PLGRKT: variants seen among roughly 807,000 people sequenced by gnomAD.
PLGRKT encodes plasminogen receptor (KT).
In PLGRKT, 22 loss-of-function variants were observed where a neutral mutation model predicts 18.5. The ratio of observed to expected loss-of-function variants is 1.19; its 90% CI spans 0.85 to 1.70. The LOEUF is 1.70. Ranked by LOEUF, PLGRKT falls within the 40% of genes most tolerant of loss-of-function variation. The pLI is 0.00. For missense variants in PLGRKT, 235 were observed against 174.4 expected (o/e 1.35, Z -1.96); for synonymous variants, 72 against 52.8 (o/e 1.36, Z -1.58).
At chr9:5,417,179 G>A (rs190832418) in intron 3 of PLGRKT, among the ~76,000 whole-genome samples, 35 of 152,318 alleles carry the variant, frequency 2.3e-4, no homozygotes, top group African/African-American at 8.2e-4. Flanking sequence ...ACTTTTCAAA[G>A]GGGCTGTGTG....
At chr9:5,412,875 C>T (rs1818391489) in intron 3 of PLGRKT, among the ~76,000 whole-genome samples, 1 of 151,808 alleles carries the variant, frequency 6.6e-6, no homozygotes, top group Non-Finnish European at 1.5e-5. Flanking sequence ...AGACAAGAGG[C>T]CAATACTCCT....
chr9:5,433,129 A>G (rs1163834321), intron 2 of PLGRKT, among the ~76,000 whole-genome samples: 1 of 145,186 alleles, frequency 6.9e-6, no homozygotes, highest in Non-Finnish European at 1.5e-5. Flanking sequence ...GGAAGAAGTG[A>G]GGAGCGCTTC....
At chr9:5,367,429 A>G (rs985346816) in intron 3 of PLGRKT, among the ~76,000 whole-genome samples, 2 of 152,190 alleles carry the variant, frequency 1.3e-5, no homozygotes, top group Non-Finnish European at 2.9e-5. Flanking sequence ...ATTCATAAAT[A>G]AAGCCACATA....
At chr9:5,385,391 T>A (rs1243329266) in intron 3 of PLGRKT, among the ~76,000 whole-genome samples, 1 of 151,744 alleles carries the variant, frequency 6.6e-6, no homozygotes, top group Non-Finnish European at 1.5e-5. Context: ...AGAGACATGG[T>A]TTCACTGTGT....
rs115404442 is a variant in PLGRKT at position 5,393,745 on chromosome 9, A to G, written c.82-31857T>C. ...GCTGGGAATAAGGACGAGCTACCTCAAAGAATTAAGTAATTTCTTTCTAAC... is the reference window on the plus strand; with the variant it reads ...GCTGGGAATAAGGACGAGCTACCTCGAAGAATTAAGTAATTTCTTTCTAAC... On this transcript the variant is annotated intron_variant, in intron 3 of 5. Transcript: ENST00000223864. 4.2e-3 allele frequency among the ~76,000 whole-genome samples: 636 copies of G among 151,996 alleles called. 14 individuals are homozygous for G. Among genetic ancestry groups the G allele is most frequent in the African/African-American group, 0.015 (617 of 41,294 alleles).
intron 3 of PLGRKT, among the ~76,000 whole-genome samples, chr9:5,424,611 TTTA>T (rs1439029626): frequency 3.0e-5 from 4 of 132,604 alleles, no homozygotes; most frequent in Non-Finnish European, 6.2e-5. Flanking sequence ...TAATATATTA[TTTA>T]TTATATTATA....
In PLGRKT at chr9:5,431,879, A is replaced by T; in HGVS notation, c.81+18T>A. ...AAGCATTGTAACAACATAATAGCTT[A>T]ATTATTTTAAAACATACCTGAAGTC... is the stretch of plus-strand genomic sequence containing the variant. On this transcript the variant is annotated intron_variant, in intron 3 of 5. Transcript: ENST00000223864. 1 of 1,225,202 alleles carries T rather than the reference A, an allele frequency of 8.2e-7. No homozygotes were observed. Among genetic ancestry groups the T allele is most frequent in the Non-Finnish European group, 1.2e-6 (1 of 828,594 alleles). 75.9% of individuals were successfully genotyped at this position (1,225,202 alleles called of 1,614,324 possible). A position where few individuals can be genotyped will look rare whatever the true frequency, so the allele number is the denominator to read the frequency against.
At chr9:5,435,350 A>AGCT (rs1818939550) in intron 2 of PLGRKT, among the ~76,000 whole-genome samples, 1 of 145,048 alleles carries the variant, frequency 6.9e-6, no homozygotes, top group African/African-American at 2.5e-5. Flanking sequence ...AAGAAGATTG[A>AGCT]GCTGTCTCAA....
chr9:5,364,298 A>T (rs750535102), intron 3 of PLGRKT, among the ~76,000 whole-genome samples: 5 of 152,162 alleles, frequency 3.3e-5, no homozygotes, highest in Non-Finnish European at 7.3e-5. Flanking sequence ...CTCATAGCTC[A>T]TATTTTTTTT....
chr9:5,376,073 T>G (rs1349777217), intron 3 of PLGRKT, among the ~76,000 whole-genome samples: 2 of 152,188 alleles, frequency 1.3e-5, no homozygotes, highest in Admixed American at 1.3e-4. Context: ...TTTGGAGACG[T>G]TTTGCTAAGT....
intron 3 of PLGRKT, among the ~76,000 whole-genome samples, chr9:5,426,203 G>A (rs1212780629): frequency 3.3e-5 from 5 of 152,176 alleles, no homozygotes; most frequent in Non-Finnish European, 1.5e-5. Context: ...ATAGGGAGGA[G>A]AACCCCCAGG....
intron 3 of PLGRKT, among the ~76,000 whole-genome samples, chr9:5,416,132 T>G (rs1229810843): frequency 6.6e-6 from 1 of 151,960 alleles, no homozygotes; most frequent in Non-Finnish European, 1.5e-5. Context: ...AATTAAACAT[T>G]TTTTTTAAAA....
intron 3 of PLGRKT, among the ~76,000 whole-genome samples, chr9:5,421,419 C>A (rs1818573373): frequency 6.6e-6 from 1 of 152,194 alleles, no homozygotes. Context: ...GCTTTTTCCC[C>A]TCACAGAACT....
At chr9:5,392,431 T>A (rs937463864) in intron 3 of PLGRKT, 1 of 152,004 alleles carries the variant, frequency 6.6e-6, no homozygotes, top group African/African-American at 2.4e-5. Context: ...TGTGCAATTA[T>A]AATACAGTTA....
chr9:5,412,572 A>C (rs561275805), intron 3 of PLGRKT, among the ~76,000 whole-genome samples: 1 of 152,344 alleles, frequency 6.6e-6, no homozygotes, highest in East Asian at 1.9e-4. Flanking sequence ...AGAAGGAAGG[A>C]GACTTCCCAG....
intron 3 of PLGRKT, among the ~76,000 whole-genome samples, chr9:5,384,641 A>G (rs1817807771): frequency 6.6e-6 from 1 of 152,172 alleles, no homozygotes; most frequent in Non-Finnish European, 1.5e-5. Flanking sequence ...ACACAGAGGT[A>G]AGATAAAGGA....
At chr9:5,378,360 T>C (rs1817671770) in intron 3 of PLGRKT, among the ~76,000 whole-genome samples, 2 of 152,340 alleles carry the variant, frequency 1.3e-5, no homozygotes, top group South Asian at 4.1e-4. Context: ...ATGTTTTCTC[T>C]ATCTGGCTTG....
chr9:5,399,210 A>G lies in PLGRKT; in HGVS notation c.81+32687T>C, dbSNP rs551303590. ...TCATATTTTGGTGGGACTCCTGTGC[A>G]TATGTGAGTAATTAAATATTTTTTC... On this transcript the variant is annotated intron_variant, in intron 3 of 5. Coordinates refer to ENST00000223864, the MANE Select transcript of PLGRKT (RefSeq NM_018465.4). Among the ~76,000 whole-genome samples, 7 of 151,968 alleles carry G rather than the reference A, an allele frequency of 4.6e-5. No individual in the cohort carries two copies. The South Asian group carries it at 1.4e-3, about 31-fold the overall frequency.
chr9:5,358,125 T>C lies in PLGRKT; in HGVS notation c.*114A>G, dbSNP rs1817178378. 1 of 714,082 alleles carries C rather than the reference T, an allele frequency of 1.4e-6. No homozygotes were observed. The highest frequency in any genetic ancestry group is 1.8e-5 in the African/African-American group (1 of 55,828). 44.2% of individuals were successfully genotyped at this position (714,082 alleles called of 1,614,324 possible). A position where few individuals can be genotyped will look rare whatever the true frequency, so the allele number is the denominator to read the frequency against. ...AATAGCTCAAAACTATCTTGCATTT[T>C]AATATTTTAAAATAAAATCTATAAT... On this transcript the variant is annotated 3_prime_UTR_variant, in exon 6 of 6. Coordinates refer to ENST00000223864, the MANE Select transcript of PLGRKT (RefSeq NM_018465.4).
Sources: allele counts gnomAD v4.1 joint callset (sites outside exome capture counted in the v4.1 genomes callset), GRCh38; gene constraint gnomAD v4.1.1; transcripts MANE v1.5; gene names NCBI Gene and HGNC (gene_info 2026-07-23, HGNC 2026-07-21).